ULK4: variants seen among roughly 807,000 people sequenced by gnomAD.
ULK4 encodes the protein inactive serine/threonine-protein kinase ULK4.
A neutral mutation model predicts 160.6 loss-of-function variants in ULK4; 133 were observed. The observed-to-expected ratio is 0.83, with a 90% confidence interval of 0.72 to 0.96. ULK4 has a LOEUF of 0.96. Among genes scored for constraint, ULK4 ranks in the 40% least tolerant of loss-of-function variants. The pLI is 0.00. For missense variants in ULK4, 1,580 were observed against 1,499.5 expected, an observed-to-expected ratio of 1.05 and a Z score of -0.89; for synonymous variants, 534 against 539.8, an observed-to-expected ratio of 0.99 and a Z score of 0.15.
intron 17 of ULK4, among the ~76,000 whole-genome samples, chr3:41,865,866 A>G (rs1019029354): frequency 1.3e-5 from 2 of 152,208 alleles, no homozygotes; most frequent in Admixed American, 6.5e-5. Context: ...AAACTCTGTG[A>G]CCTTGCATAA....
intron 1 of ULK4, among the ~76,000 whole-genome samples, chr3:41,957,347 G>T (rs1176444489): frequency 6.6e-6 from 1 of 150,690 alleles, no homozygotes; most frequent in Non-Finnish European, 1.5e-5. Flanking sequence ...CCAGCTACTC[G>T]GGAGGCTGAA....
chr3:41,302,827 ACTGT>A (rs1267889520), intron 35 of ULK4, among the ~76,000 whole-genome samples: 2 of 152,198 alleles, frequency 1.3e-5, no homozygotes, highest in African/African-American at 4.8e-5. Context: ...ATGTTAGCAA[ACTGT>A]CTATCGTTGG....
At chr3:41,290,284 C>G (rs2079535970) in intron 35 of ULK4, among the ~76,000 whole-genome samples, 1 of 152,158 alleles carries the variant, frequency 6.6e-6, no homozygotes, top group Non-Finnish European at 1.5e-5. Context: ...GGAAAGTTTG[C>G]TATAAACCAG....
chr3:41,748,642 C>T (rs1398154190), intron 22 of ULK4, among the ~76,000 whole-genome samples: 2 of 152,100 alleles, frequency 1.3e-5, no homozygotes, highest in East Asian at 1.9e-4. Context: ...AAGCATAGCT[C>T]ACTCCTGCCC....
In ULK4 at chr3:41,597,876, G is replaced by C. The variant is rs144922112; in HGVS notation, c.3120+17793C>G. On this transcript the variant is annotated intron_variant, in intron 31 of 36. Coordinates refer to ENST00000301831, the MANE Select transcript of ULK4 (RefSeq NM_017886.4). ...CAATTTGCAATTTGCAATGCAACAC[G>C]TGGAGAAAAGCAAAAAAACGAAACC... Among the ~76,000 whole-genome samples the C allele has an allele frequency of 1.1e-3, 166 of 152,336 alleles. 1 individual carries two copies. The highest frequency in any genetic ancestry group is 3.8e-3 in the African/African-American group (160 of 41,566).
At chr3:41,533,421 T>C (rs2086390312) in intron 32 of ULK4, among the ~76,000 whole-genome samples, 2 of 152,240 alleles carry the variant, frequency 1.3e-5, no homozygotes, top group South Asian at 2.1e-4. Flanking sequence ...TCACATGTAA[T>C]GTCCCTGTTA....
At chr3:41,723,611 G>A (rs1395488700) in intron 22 of ULK4, among the ~76,000 whole-genome samples, 1 of 152,192 alleles carries the variant, frequency 6.6e-6, no homozygotes, top group Admixed American at 6.5e-5. Flanking sequence ...TGATTAAAAA[G>A]CAGTTTGAAC....
At chr3:41,370,993 G>A (rs2081354359) in intron 35 of ULK4, among the ~76,000 whole-genome samples, 1 of 152,156 alleles carries the variant, frequency 6.6e-6, no homozygotes. Context: ...GCTTGAGTAG[G>A]TGGTTTTCCC....
chr3:41,711,859 T>C (rs2037106017), intron 25 of ULK4, among the ~76,000 whole-genome samples: 1 of 152,190 alleles, frequency 6.6e-6, no homozygotes, highest in Non-Finnish European at 1.5e-5. Context: ...CCCAATTCAA[T>C]GGAGGACCAA....
chr3:41,453,097 G>C (rs1400049497), intron 34 of ULK4, among the ~76,000 whole-genome samples: 2 of 152,162 alleles, frequency 1.3e-5, no homozygotes, highest in Non-Finnish European at 2.9e-5. Flanking sequence ...GGCTAAGTAA[G>C]ATCAAAGGTA....
intron 5 of ULK4, among the ~76,000 whole-genome samples, chr3:41,927,310 C>T (rs977572177): frequency 3.9e-5 from 6 of 152,176 alleles, no homozygotes; most frequent in Non-Finnish European, 7.3e-5. Context: ...GAGATCTTCT[C>T]ACAACCAGGC....
chr3:41,442,797 A>C (rs565045367), intron 34 of ULK4, among the ~76,000 whole-genome samples: 9 of 152,294 alleles, frequency 5.9e-5, no homozygotes, highest in Admixed American at 5.9e-4. Context: ...CGTGTTGAGG[A>C]ATAAAAAACA....
chr3:41,575,473 G>A (rs933948349), intron 31 of ULK4, among the ~76,000 whole-genome samples: 2 of 152,270 alleles, frequency 1.3e-5, no homozygotes, highest in Middle Eastern at 3.4e-3. Context: ...AAAATGTATG[G>A]TGCTCTCACC....
chr3:41,262,537 C>T (rs2078964638), intron 35 of ULK4, among the ~76,000 whole-genome samples: 1 of 152,176 alleles, frequency 6.6e-6, no homozygotes, highest in African/African-American at 2.4e-5. Flanking sequence ...GTTCCCTTAA[C>T]TTAGCCTGAC....
chr3:41,332,775 T>C (rs182848954), intron 35 of ULK4, among the ~76,000 whole-genome samples: 6 of 152,258 alleles, frequency 3.9e-5, no homozygotes, highest in African/African-American at 1.4e-4. Flanking sequence ...CAGTACCCAA[T>C]GGTTAGTTTT....
intron 29 of ULK4, among the ~76,000 whole-genome samples, chr3:41,671,915 G>A (rs569036908): frequency 1.3e-5 from 2 of 151,934 alleles, no homozygotes; most frequent in South Asian, 4.2e-4. Flanking sequence ...TTAAAAGTGG[G>A]CAAAGGATAT....
At chr3:41,772,953 G>A (rs557306898) in intron 21 of ULK4, among the ~76,000 whole-genome samples, 1 of 152,120 alleles carries the variant, frequency 6.6e-6, no homozygotes, top group African/African-American at 2.4e-5. Context: ...CATATAAACA[G>A]AACCAAAGAC....
chr3:41,599,835 G>A (rs2031949288), intron 31 of ULK4, among the ~76,000 whole-genome samples: 1 of 151,914 alleles, frequency 6.6e-6, no homozygotes, highest in Admixed American at 6.6e-5. Flanking sequence ...AAAGTGCTGG[G>A]ATTACAGGCG....
At chr3:41,947,304 G>A (rs141367196) in intron 2 of ULK4, among the ~76,000 whole-genome samples, 27 of 152,240 alleles carry the variant, frequency 1.8e-4, no homozygotes, top group African/African-American at 5.8e-4. Context: ...GAGCGAGACA[G>A]GTAAATTATG....
Sources: allele counts gnomAD v4.1 joint callset (sites outside exome capture counted in the v4.1 genomes callset), GRCh38; gene constraint gnomAD v4.1.1; transcripts MANE v1.5; gene names NCBI Gene and HGNC (gene_info 2026-07-23, HGNC 2026-07-21).